The following CDC14B variants were observed in gnomAD, a reference collection of about 807,000 sequenced individuals.
CDC14B encodes the protein cell division cycle 14B, also known as dual specificity protein phosphatase CDC14B.
A neutral mutation model predicts 64.2 loss-of-function variants in CDC14B; 22 were observed. The observed-to-expected ratio is 0.34, with a 90% CI of 0.24 to 0.49. The LOEUF is 0.49. CDC14B is among the 20% of genes least tolerant of loss of function. The pLI is 0.99. For synonymous variants in CDC14B, 191 were observed against 215.8 expected (o/e 0.89, Z 1.01); for missense variants, 498 against 629.9 (o/e 0.79, Z 2.24).
At chr9:96,611,250 G>A (rs529643621) in intron 1 of CDC14B, among the ~76,000 whole-genome samples, 4 of 152,184 alleles carry the variant, frequency 2.6e-5, no homozygotes, top group Admixed American at 6.5e-5. Flanking sequence ...TAATATGGAC[G>A]TCAATTCTTC....
intron 1 of CDC14B, chr9:96,566,993 A>C: frequency 2.1e-6 from 3 of 1,419,062 alleles, no homozygotes; most frequent in Non-Finnish European, 2.8e-6. Flanking sequence ...GCAACCCCGG[A>C]AGTCCCCAAG....
At chr9:96,615,653 T>C (rs1313796785) in intron 1 of CDC14B, among the ~76,000 whole-genome samples, 1 of 152,240 alleles carries the variant, frequency 6.6e-6, no homozygotes, top group Non-Finnish European at 1.5e-5. Flanking sequence ...GTGGGAACGC[T>C]GGCGGCGTAG....
chr9:96,515,337 G>GGAAGAAAAACTGTTTTAGT lies in CDC14B; in HGVS notation c.1344-5549_1344-5548insACTAAAACAGTTTTTCTTC, dbSNP rs1835483386. ...ATCCTAAGCTAACTACTTTTGATAG[G>GGAAGAAAAACTGTTTTAGT]GAAGAAAAACTGTTTCAGTGAAGAA... On this transcript the variant is annotated intron_variant, in intron 12 of 13. Coordinates refer to ENST00000375241, the MANE Select transcript of CDC14B (RefSeq NM_033331.4). The surrounding 1 kb of genome is among the most constrained non-coding windows in gnomAD (Gnocchi z 4.3). 6.6e-6 allele frequency among the ~76,000 whole-genome samples: 1 copy of GGAAGAAAAACTGTTTTAGT among 151,626 alleles called. No individual in the cohort carries two copies.
chr9:96,522,668 G>A, intron 11 of CDC14B, 65 bp from the exon 12 acceptor site: 1 of 1,004,574 alleles, frequency 1.0e-6, no homozygotes, highest in Non-Finnish European at 1.6e-6. Context: ...GTACAGCAGA[G>A]CAGCAATTTA....
At chr9:96,583,373 A>ATTT (rs755655091) in intron 1 of CDC14B, among the ~76,000 whole-genome samples, 2 of 114,324 alleles carry the variant, frequency 1.7e-5, no homozygotes, top group African/African-American at 3.2e-5. Flanking sequence ...GTATTTATTT[A>ATTT]TTATTATTAT....
intron 1 of CDC14B, among the ~76,000 whole-genome samples, chr9:96,606,225 C>T (rs1846906982): frequency 7.3e-6 from 1 of 137,520 alleles, no homozygotes; most frequent in Admixed American, 7.6e-5. Context: ...CCCAGCTACT[C>T]GGGAGGCTGA....
chr9:96,545,329 CTTTTT>C (rs59040963), intron 5 of CDC14B, among the ~76,000 whole-genome samples: 2 of 132,980 alleles, frequency 1.5e-5, no homozygotes, highest in Non-Finnish European at 3.3e-5. Context: ...TGATTATTTT[CTTTTT>C]TTTTTTTTTT....
chr9:96,506,091 A>G (rs749512714), intron 13 of CDC14B, among the ~76,000 whole-genome samples: 14 of 152,210 alleles, frequency 9.2e-5, no homozygotes, highest in Non-Finnish European at 2.1e-4. Flanking sequence ...TGGAAGGTCA[A>G]GTTCCCATGT....
chr9:96,512,845 C>CTT (rs75737532), intron 12 of CDC14B, among the ~76,000 whole-genome samples: 8 of 147,376 alleles, frequency 5.4e-5, no homozygotes, highest in Non-Finnish European at 1.1e-4. Context: ...CTCCTGTTGG[C>CTT]TTTTTTTTTT....
chr9:96,499,479 G>A (rs927968169), downstream of CDC14B, among the ~76,000 whole-genome samples: 4 of 152,210 alleles, frequency 2.6e-5, no homozygotes, highest in African/African-American at 9.6e-5. Context: ...CCCGACCTTG[G>A]CAGGCAAAAT....
intron 1 of CDC14B, among the ~76,000 whole-genome samples, chr9:96,574,682 C>A: frequency 9.3e-6 from 1 of 107,286 alleles, no homozygotes; most frequent in African/African-American, 5.4e-5. Flanking sequence ...GCAACAAGAG[C>A]GAAACTCGGT....
At chr9:96,545,192 G>A (rs1043716043) in intron 5 of CDC14B, among the ~76,000 whole-genome samples, 2 of 152,136 alleles carry the variant, frequency 1.3e-5, no homozygotes, top group African/African-American at 4.8e-5. Flanking sequence ...ACCCATTTAG[G>A]TAGAGAAACT....
chr9:96,612,330 T>C (rs1847373563), intron 1 of CDC14B, among the ~76,000 whole-genome samples: 1 of 152,216 alleles, frequency 6.6e-6, no homozygotes, highest in African/African-American at 2.4e-5. Flanking sequence ...CTTCCAGCCG[T>C]GATGACTGTG....
intron 5 of CDC14B, among the ~76,000 whole-genome samples, chr9:96,542,361 G>GTC (rs989518140): frequency 2.0e-5 from 3 of 152,178 alleles, no homozygotes; most frequent in African/African-American, 7.2e-5. Flanking sequence ...GTGTGTGTGT[G>GTC]TCTCCAACCA....
At chr9:96,521,065 TTTTG>T (rs1002401279) in intron 12 of CDC14B, among the ~76,000 whole-genome samples, 188 of 152,190 alleles carry the variant, frequency 1.2e-3, no homozygotes, top group African/African-American at 4.1e-3. Context: ...AAGGCACTAT[TTTTG>T]TTTGTTTGTT....
intron 9 of CDC14B, among the ~76,000 whole-genome samples, chr9:96,525,610 C>G (rs1170443536): frequency 6.6e-6 from 1 of 152,242 alleles, no homozygotes; most frequent in Admixed American, 6.5e-5. Context: ...GGATGATTCT[C>G]TAGCCTTAAG....
chr9:96,527,562 G>A (rs188128935), intron 9 of CDC14B, among the ~76,000 whole-genome samples: 27 of 152,132 alleles, frequency 1.8e-4, no homozygotes, highest in East Asian at 7.7e-4. Context: ...TCTTCAGAAC[G>A]TATTTCATCT....
intron 1 of CDC14B, among the ~76,000 whole-genome samples, chr9:96,605,404 T>A (rs1846824027): frequency 6.6e-6 from 1 of 152,120 alleles, no homozygotes; most frequent in Admixed American, 6.5e-5. Flanking sequence ...GACTGGCATA[T>A]AAATATCCCA....
In CDC14B at chr9:96,530,642, G is replaced by A. The variant is rs1049195449; in HGVS notation, c.946+3285C>T. ...CAAAAAGATAATTTTACTTCCCCCT[G>A]TCTAATTTCGATTTTTTTTTTTTTT... On this transcript the variant is annotated intron_variant, in intron 9 of 13. Coordinates refer to ENST00000375241, the MANE Select transcript of CDC14B (RefSeq NM_033331.4). Among the ~76,000 whole-genome samples, 5 of 148,412 alleles carry A rather than the reference G, an allele frequency of 3.4e-5. No individual in the cohort carries two copies. In the East Asian group the frequency reaches 7.8e-4, roughly 23 times the overall value.
Sources: gnomAD v4.1 joint callset for allele counts (sites outside exome capture counted in the v4.1 genomes callset) on GRCh38, gnomAD v4.1.1 for gene constraint, Gnocchi (gnomAD v3.1) non-coding constraint, MANE v1.5 for transcripts, NCBI Gene and HGNC (gene_info 2026-07-23, HGNC 2026-07-21) for gene names.